ATP8B1: variants seen among roughly 807,000 people sequenced by gnomAD.
ATP8B1 encodes ATPase phospholipid transporting 8B1.
In ATP8B1, 80 loss-of-function variants were observed where a neutral mutation model predicts 149.9. The ratio of observed to expected loss-of-function variants is 0.53; its 90% CI spans 0.45 to 0.64. The LOEUF (loss-of-function observed/expected upper bound fraction) is 0.64, where lower values mean the gene tolerates loss of function less well. ATP8B1 is among the 30% of genes least tolerant of loss of function. ATP8B1 has a pLI of 0.00. For synonymous variants in ATP8B1, 536 were observed against 562.8 expected (o/e 0.95, Z 0.67); for missense variants, 1,247 against 1,552.6 (o/e 0.80, Z 3.31).
chr18:57,686,950 C>A (rs1912280842), intron 13 of ATP8B1, among the ~76,000 whole-genome samples: 1 of 152,084 alleles, frequency 6.6e-6, no homozygotes, highest in African/African-American at 2.4e-5. Context: ...CTTAAGGGAT[C>A]TTCCTGCCTC....
chr18:57,677,103 T>C (rs1276635988), intron 15 of ATP8B1, among the ~76,000 whole-genome samples: 1 of 152,152 alleles, frequency 6.6e-6, no homozygotes, highest in African/African-American at 2.4e-5. Flanking sequence ...TCCACTGAAA[T>C]AAGCCAAAAA....
In ATP8B1 at chr18:57,648,601, G is replaced by A. The variant is rs201877094; in HGVS notation, c.3643C>T (p.Arg1215Trp). The change falls in exon 28 of 28, where the codon CGG (arginine) becomes TGG (tryptophan). Residue 1215 changes from arginine (R) to tryptophan (W), a missense_variant. This residue lies in a region of ATP8B1 where 164 missense variants were observed against 160.3 expected (regional missense o/e 1.02). Transcript: ENST00000648908. The stretch of plus-strand genomic sequence containing the variant: ...GAGGAGATGAGGTCCGCGTAGCCCC[G>A]CTGGTGCGAGAAGGCGTAGGCCGAG... ...RRSAYAFSHQ[R>W]GYADLISSGR... 14 of 1,610,922 alleles carry A rather than the reference G, an allele frequency of 8.7e-6. No individual in the cohort carries two copies. The South Asian group carries it at 1.3e-4, about 15-fold the overall frequency.
intron 1 of ATP8B1, among the ~76,000 whole-genome samples, chr18:57,777,761 G>C (rs2080318211): frequency 6.6e-6 from 1 of 152,064 alleles, no homozygotes; most frequent in African/African-American, 2.4e-5. Context: ...GTACAGACAG[G>C]GTTTTGCCGT....
At chr18:57,693,719 A>AAAT (rs948579950) in intron 11 of ATP8B1, among the ~76,000 whole-genome samples, 9 of 151,970 alleles carry the variant, frequency 5.9e-5, no homozygotes, top group African/African-American at 1.5e-4. Context: ...AAAAAAAAAC[A>AAAT]AATAATAATA....
chr18:57,706,998 A>C (rs1913429146), intron 2 of ATP8B1, among the ~76,000 whole-genome samples: 1 of 152,230 alleles, frequency 6.6e-6, no homozygotes, highest in Admixed American at 6.5e-5. Context: ...CAAGCATGCT[A>C]TAAATCAGGA....
In ATP8B1 at chr18:57,674,020, T is replaced by C. The variant is rs567820748; in HGVS notation, c.1819+814A>G. Among the ~76,000 whole-genome samples, 14 of 152,150 alleles carry C rather than the reference T, an allele frequency of 9.2e-5. No individual in the cohort carries two copies. In the South Asian group the frequency reaches 2.1e-3, roughly 23 times the overall value. On this transcript the variant is annotated intron_variant, in intron 16 of 27. Transcript: ENST00000648908. ...ATAAAAGAGCATGTGTTGTTTAAAA[T>C]AAAAGACTGCTACAAATGTCTACCT...
chr18:57,785,404 T>TC (rs1399966675), intron 1 of ATP8B1, among the ~76,000 whole-genome samples: 2 of 152,246 alleles, frequency 1.3e-5, no homozygotes, highest in Non-Finnish European at 2.9e-5. Flanking sequence ...TAAAACAAAT[T>TC]CCCGATATTT....
At chr18:57,662,034 A>G (rs1054965136) in intron 21 of ATP8B1, among the ~76,000 whole-genome samples, 7 of 152,082 alleles carry the variant, frequency 4.6e-5, no homozygotes, top group African/African-American at 9.7e-5. Context: ...ATATTTTTCA[A>G]TGGAGATGGG....
chr18:57,654,481 G>A (rs1371768221), intron 23 of ATP8B1, among the ~76,000 whole-genome samples: 2 of 151,868 alleles, frequency 1.3e-5, no homozygotes, highest in South Asian at 2.1e-4. Context: ...ACCATGTCTG[G>A]CTAATTTTTG....
Position 57,688,335 on chromosome 18 carries a change from T to G in ATP8B1, c.1393A>C (p.Thr465Pro). 1 of 1,614,154 alleles carries G rather than the reference T, an allele frequency of 6.2e-7. No individual in the cohort carries two copies. The highest frequency in any genetic ancestry group is 8.5e-7 in the Non-Finnish European group (1 of 1,180,038). The change falls in exon 13 of 28, where the codon ACC becomes CCC. Residue 465 changes from threonine to proline, a missense_variant. Physicochemically the swap from Thr to Pro is conservative, Grantham distance 38. Around this residue, in one of 3 missense-constraint regions of ATP8B1, gnomAD observed 853 missense variants for 1,035.7 expected, o/e 0.82. Transcript: ENST00000648908. ...KTGTLTQNIMTFKKCCINGQI... is the reference protein window; with the variant it reads ...KTGTLTQNIMPFKKCCINGQI... ...CCGTTGATACAGCACTTTTTAAAGG[T>G]CATGATATTTTGTGTGAGTGTCCCC... is the stretch of plus-strand genomic sequence containing the variant.
At chr18:57,719,601 AG>A (rs1183542366) in intron 2 of ATP8B1, among the ~76,000 whole-genome samples, 1 of 152,182 alleles carries the variant, frequency 6.6e-6, no homozygotes, top group African/African-American at 2.4e-5. Context: ...CCTGGCTCGG[AG>A]GGTCCTACGC....
intron 2 of ATP8B1, 39 bp downstream of exon 2, chr18:57,731,588 T>C (rs764742483): frequency 8.1e-6 from 13 of 1,608,820 alleles, no homozygotes; most frequent in East Asian, 2.2e-5. Flanking sequence ...CACATGAGGA[T>C]TTATAAGCGA....
intron 1 of ATP8B1, among the ~76,000 whole-genome samples, chr18:57,791,843 T>C (rs966646045): frequency 2.0e-5 from 3 of 152,236 alleles, no homozygotes; most frequent in African/African-American, 7.2e-5. Context: ...AGTTGTTTCA[T>C]ATCTCTTTTG....
rs1909184018 is a variant in ATP8B1, at chr18:57,646,449, C to A, written c.*2039G>T. 6.6e-6 allele frequency: 1 copy of A among 151,464 alleles called. No homozygotes were observed. The highest frequency in any genetic ancestry group is 1.5e-5 in the Non-Finnish European group (1 of 67,926). The allele number at this position is 151,464 out of a possible 1,614,324, so 9.4% of individuals were successfully genotyped here. On this transcript the variant is annotated 3_prime_UTR_variant, in exon 28 of 28. Coordinates refer to ENST00000648908, the MANE Select transcript of ATP8B1 (RefSeq NM_001374385.1). ...AATTTAAATACTTTAGAAGATCATA[C>A]TTTTCAAAGATTTTACTAAATCATT...
intron 1 of ATP8B1, among the ~76,000 whole-genome samples, chr18:57,771,013 C>G (rs996685502): frequency 6.6e-6 from 1 of 152,212 alleles, no homozygotes; most frequent in South Asian, 2.1e-4. Context: ...CAGGCACGTG[C>G]CACCACACCT....
chr18:57,664,620 C>T (rs1263845691), intron 20 of ATP8B1, among the ~76,000 whole-genome samples: 1 of 151,326 alleles, frequency 6.6e-6, no homozygotes, highest in Non-Finnish European at 1.5e-5. Context: ...TTGAGAAATT[C>T]TCAGTGCTTT....
At chr18:57,694,748 G>T in intron 10 of ATP8B1, 78 bp from the exon 11 acceptor site, 1 of 1,010,092 alleles carries the variant, frequency 9.9e-7, no homozygotes, top group Non-Finnish European at 1.5e-6. Context: ...TACTCTTCTT[G>T]GCCAGGCATG....
chr18:57,749,283 A>G (rs1453838393), intron 1 of ATP8B1, among the ~76,000 whole-genome samples: 2 of 152,188 alleles, frequency 1.3e-5, no homozygotes, highest in African/African-American at 2.4e-5. Flanking sequence ...CAAGTAGTAC[A>G]GAGAATATAT....
chr18:57,711,564 T>C (rs1305777676), intron 2 of ATP8B1, among the ~76,000 whole-genome samples: 5 of 152,168 alleles, frequency 3.3e-5, no homozygotes, highest in Non-Finnish European at 5.9e-5. Context: ...TGGAAGGACA[T>C]ATTTTGAGAA....
Sources: allele counts gnomAD v4.1 joint callset (sites outside exome capture counted in the v4.1 genomes callset), GRCh38; gene constraint gnomAD v4.1.1; regional missense constraint gnomAD v4.1.1; transcripts MANE v1.5; gene names NCBI Gene and HGNC (gene_info 2026-07-23, HGNC 2026-07-21).